Variants in ANXA5 observed in about 807,000 individuals in gnomAD.
The protein encoded by ANXA5 is annexin A5.
ANXA5 carries 40 observed loss-of-function variants against 48.1 expected under a neutral mutation model. That is an observed-to-expected ratio of 0.83 (90% CI 0.65 to 1.08). ANXA5 has a LOEUF of 1.08. Among genes scored for constraint, ANXA5 ranks in the 50% least tolerant of loss-of-function variants. ANXA5 has a pLI of 0.00. For missense variants in ANXA5, 357 were observed against 376.8 expected, an observed-to-expected ratio of 0.95 and a Z score of 0.44; for synonymous variants, 113 against 129.1, an observed-to-expected ratio of 0.88 and a Z score of 0.85.
chr4:121,669,763 A>C (rs1038053104), intron 11 of ANXA5, 39 bp from the exon 12 acceptor site: 2 of 1,581,410 alleles, frequency 1.3e-6, no homozygotes, highest in African/African-American at 2.8e-5. Flanking sequence ...AAAATGCTTA[A>C]AAACTTCAAA....
In ANXA5 at chr4:121,671,647, A is replaced by G. The variant is rs1326198515; in HGVS notation, c.626-5T>C. On this transcript the variant is annotated splice_polypyrimidine_tract_variant and splice_region_variant and intron_variant, in intron 9 of 12. Coordinates refer to ENST00000296511, the MANE Select transcript of ANXA5 (RefSeq NM_001154.4). Reference sequence around the variant, plus strand: ...TAGTCATGTACTTGTCAAACACTAGAAAAAATAAAAATGATTCCCTAATCA... The same window carrying G: ...TAGTCATGTACTTGTCAAACACTAGGAAAAATAAAAATGATTCCCTAATCA... 1 of 1,585,748 alleles carries G rather than the reference A, an allele frequency of 6.3e-7. No individual in the cohort carries two copies. The highest frequency in any genetic ancestry group is 8.7e-7 in the Non-Finnish European group (1 of 1,154,834).
intron 12 of ANXA5, 140 bp from the exon 13 acceptor site, chr4:121,668,667 G>A: frequency 1.5e-6 from 1 of 685,802 alleles, no homozygotes; most frequent in Non-Finnish European, 2.6e-6. Flanking sequence ...CATCAGGAAT[G>A]TTATGCAGGG....
In ANXA5 at chr4:121,681,749, T is replaced by G. The variant is rs1224626226; in HGVS notation, c.316A>C (p.Asn106His). 3 of 1,611,396 alleles carry G rather than the reference T, an allele frequency of 1.9e-6. No individual in the cohort carries two copies. The highest frequency in any genetic ancestry group is 2.5e-6 in the Non-Finnish European group (3 of 1,178,130). The change falls in exon 6 of 13, where the codon AAT (asparagine) becomes CAT (histidine). Residue 106 changes from asparagine (N) to histidine (H), a missense_variant. By Grantham distance (68) the Asn-to-His change is moderately conservative (BLOSUM62 1). Transcript: ENST00000296511. ...LKHALKGAGT[N>H]EKVLTEIIAS... ...ATAATTTCTGTCAGTACTTTTTCATTTGTTCCAGCTCCCTGTTTGGAGATT... is the reference window on the plus strand; with the variant it reads ...ATAATTTCTGTCAGTACTTTTTCATGTGTTCCAGCTCCCTGTTTGGAGATT...
At chr4:121,678,991 G>T (rs1724746258) in intron 6 of ANXA5, among the ~76,000 whole-genome samples, 1 of 152,110 alleles carries the variant, frequency 6.6e-6, no homozygotes, top group African/African-American at 2.4e-5. Flanking sequence ...TTTTAAAGTA[G>T]GCCCCCCTCC....
intron 2 of ANXA5, among the ~76,000 whole-genome samples, chr4:121,690,122 T>C (rs1327059210): frequency 6.6e-6 from 1 of 152,204 alleles, no homozygotes; most frequent in East Asian, 1.9e-4. Context: ...CCAGGCACCG[T>C]GCACAGAGCT....
At chr4:121,674,044 G>C (rs1015512589) in intron 8 of ANXA5, among the ~76,000 whole-genome samples, 1 of 151,146 alleles carries the variant, frequency 6.6e-6, no homozygotes, top group African/African-American at 2.4e-5. Flanking sequence ...ATCCAGGCAC[G>C]GTGGCAGATG....
At chr4:121,677,706 G>C (rs1302734509) in intron 8 of ANXA5, among the ~76,000 whole-genome samples, 188 bp downstream of exon 8, 1 of 152,008 alleles carries the variant, frequency 6.6e-6, no homozygotes, top group East Asian at 1.9e-4. Context: ...CAGCTTTAAG[G>C]TAAAATATTT....
At chr4:121,674,116 G>C (rs761800889) in intron 8 of ANXA5, among the ~76,000 whole-genome samples, 1 of 149,290 alleles carries the variant, frequency 6.7e-6, no homozygotes, top group Non-Finnish European at 1.5e-5. Context: ...AGGAGGCAGA[G>C]GTTGCAGTGA....
chr4:121,684,977 C>A (rs1221904680), intron 3 of ANXA5, among the ~76,000 whole-genome samples: 1 of 148,328 alleles, frequency 6.7e-6, no homozygotes, highest in African/African-American at 2.5e-5. Flanking sequence ...GCCAGGAGTT[C>A]AAGACCTGCC....
intron 2 of ANXA5, among the ~76,000 whole-genome samples, chr4:121,694,584 C>T (rs934235965): frequency 6.6e-6 from 1 of 152,138 alleles, no homozygotes; most frequent in African/African-American, 2.4e-5. Context: ...GAGGTCTCAC[C>T]ATGTTGGTTA....
chr4:121,688,292 C>T (rs1724926380), intron 2 of ANXA5, among the ~76,000 whole-genome samples: 1 of 152,132 alleles, frequency 6.6e-6, no homozygotes, highest in African/African-American at 2.4e-5. Context: ...CTAAGGCACC[C>T]TCTATATCTG....
chr4:121,690,118 A>C (rs114854173), intron 2 of ANXA5, among the ~76,000 whole-genome samples: 2,044 of 152,350 alleles, frequency 0.013, 22 homozygotes, highest in Middle Eastern at 0.02. Flanking sequence ...TGCACCAGGC[A>C]CCGTGCACAG....
At position 121,686,237 on chromosome 4, in the gene ANXA5, T is replaced by C. The variant is rs563257146; in HGVS notation, c.94+51A>G. On this transcript the variant is annotated intron_variant, in intron 3 of 12. Transcript: ENST00000296511. ...TATTCTTACTGTAATTAATGACTTGTTTGGAAAAACAAATATCACATTTGC... is the reference window on the plus strand; with the variant it reads ...TATTCTTACTGTAATTAATGACTTGCTTGGAAAAACAAATATCACATTTGC... 5 of 1,373,904 alleles carry C rather than the reference T, an allele frequency of 3.6e-6. No homozygotes were observed. In the East Asian group the frequency reaches 9.2e-5, roughly 25 times the overall value. The allele number at this position is 1,373,904 out of a possible 1,614,324, so 85.1% of individuals were successfully genotyped here.
At chr4:121,685,061 CATATAT>C (rs1236738367) in intron 3 of ANXA5, among the ~76,000 whole-genome samples, 2 of 147,014 alleles carry the variant, frequency 1.4e-5, no homozygotes, top group Admixed American at 1.4e-4. Flanking sequence ...TACACACACA[CATATAT>C]ATATACACAC....
chr4:121,674,247 G>C (rs1295070379), intron 8 of ANXA5, among the ~76,000 whole-genome samples: 1 of 101,032 alleles, frequency 9.9e-6, no homozygotes, highest in Non-Finnish European at 2.1e-5. Flanking sequence ...GAGGGGAGGG[G>C]AGGGAGAGGG....
chr4:121,676,311 C>T (rs998129852), intron 8 of ANXA5, among the ~76,000 whole-genome samples: 1 of 152,132 alleles, frequency 6.6e-6, no homozygotes, highest in Admixed American at 6.5e-5. Flanking sequence ...AGGGAAGGCA[C>T]TAATACTCAA....
intron 7 of ANXA5, 130 bp from the exon 8 acceptor site, chr4:121,678,080 C>A: frequency 1.3e-6 from 1 of 758,330 alleles, no homozygotes; most frequent in Non-Finnish European, 2.3e-6. Flanking sequence ...AAGATCAATC[C>A]TGCACTATTT....
At chr4:121,685,940 G>A (rs1473518525) in intron 3 of ANXA5, among the ~76,000 whole-genome samples, 1 of 152,062 alleles carries the variant, frequency 6.6e-6, no homozygotes, top group Non-Finnish European at 1.5e-5. Flanking sequence ...CCAACCCATG[G>A]CCTGCAAGCC....
intron 2 of ANXA5, among the ~76,000 whole-genome samples, chr4:121,694,856 C>G (rs1177747988): frequency 1.3e-5 from 2 of 152,114 alleles, no homozygotes; most frequent in Non-Finnish European, 2.9e-5. Context: ...TGTCATAGGG[C>G]TCAGGTACAT....
Sources: gnomAD v4.1 joint callset for allele counts (sites outside exome capture counted in the v4.1 genomes callset) on GRCh38, gnomAD v4.1.1 for gene constraint, MANE v1.5 for transcripts, NCBI Gene and HGNC (gene_info 2026-07-23, HGNC 2026-07-21) for gene names.